CUEDC1: variants seen among roughly 807,000 people sequenced by gnomAD.
The protein encoded by CUEDC1 is CUE domain containing 1, also known as CUE domain-containing protein 1.
Under a neutral mutation model 43.7 loss-of-function variants are expected in CUEDC1, and 30 were observed. The observed-to-expected ratio is 0.69, with a 90% CI of 0.51 to 0.93. The LOEUF is 0.93. Ranked by LOEUF, CUEDC1 falls within the 40% of genes least tolerant of loss-of-function variation. CUEDC1 has a pLI of 0.00. For missense variants in CUEDC1, 486 were observed against 549.0 expected (o/e 0.89, Z 1.15); for synonymous variants, 223 against 223.6 (o/e 1.00, Z 0.02).
chr17:57,908,237 G>T (rs1378043394), intron 1 of CUEDC1, among the ~76,000 whole-genome samples: 1 of 152,064 alleles, frequency 6.6e-6, no homozygotes, highest in East Asian at 1.9e-4. Flanking sequence ...TTGTATTTTT[G>T]GTAGAGACGA....
chr17:57,863,346 G>A (rs1336885306), intron 10 of CUEDC1, 61 bp from the exon 11 acceptor site: 1 of 152,352 alleles, frequency 6.6e-6, no homozygotes, highest in East Asian at 1.9e-4. Context: ...GGTCTTTCCT[G>A]GTCACTGGTT....
chr17:57,922,879 CTTT>C (rs35241279), intron 1 of CUEDC1, among the ~76,000 whole-genome samples: 16 of 144,036 alleles, frequency 1.1e-4, no homozygotes, highest in Admixed American at 4.2e-4. Flanking sequence ...CTCCCTCTCT[CTTT>C]TTTTTTTTTT....
chr17:57,889,986 C>T (rs185174564), intron 1 of CUEDC1, among the ~76,000 whole-genome samples: 157 of 152,228 alleles, frequency 1.0e-3, no homozygotes, highest in Non-Finnish European at 2.0e-3. Context: ...TTAAAATACA[C>T]GAAAGGATTA....
chr17:57,867,303 G>A, intron 9 of CUEDC1, 54 bp downstream of exon 9: 23 of 1,509,774 alleles, frequency 1.5e-5, no homozygotes, highest in Non-Finnish European at 2.1e-5. Flanking sequence ...GAACTCCGCT[G>A]GGAGATCACC....
chr17:57,932,890 G>A (rs1004566076), intron 1 of CUEDC1, among the ~76,000 whole-genome samples: 6 of 151,822 alleles, frequency 4.0e-5, no homozygotes, highest in Non-Finnish European at 5.9e-5. Context: ...TGGTCCAGGC[G>A]CTAGAGCAAG....
intron 9 of CUEDC1, 22 bp from the exon 10 acceptor site, chr17:57,866,566 C>T: frequency 6.2e-7 from 1 of 1,613,804 alleles, no homozygotes; most frequent in East Asian, 2.2e-5. Flanking sequence ...AGGGAAGCTG[C>T]CTCATCCTCT....
intron 1 of CUEDC1, among the ~76,000 whole-genome samples, chr17:57,937,109 G>A (rs1181009842): frequency 3.3e-5 from 5 of 151,710 alleles, no homozygotes; most frequent in Non-Finnish European, 7.4e-5. Context: ...GTGAGCCACC[G>A]CACCCAGCCC....
chr17:57,937,392 C>G (rs1046191305), intron 1 of CUEDC1, among the ~76,000 whole-genome samples: 2 of 152,002 alleles, frequency 1.3e-5, no homozygotes, highest in Non-Finnish European at 2.9e-5. Context: ...GGGAGGATCA[C>G]TTGAGCCCAG....
intron 1 of CUEDC1, among the ~76,000 whole-genome samples, chr17:57,928,341 A>C (rs1360873444): frequency 6.6e-6 from 1 of 152,016 alleles, no homozygotes; most frequent in Admixed American, 6.6e-5. Context: ...CCAGGTCAGG[A>C]GATCGAGACC....
At chr17:57,902,104 G>A (rs1391779091) in intron 1 of CUEDC1, among the ~76,000 whole-genome samples, 1 of 151,924 alleles carries the variant, frequency 6.6e-6, no homozygotes, top group East Asian at 1.9e-4. Flanking sequence ...AGCCCAGGAG[G>A]CAGAGGTTGC....
intron 1 of CUEDC1, among the ~76,000 whole-genome samples, chr17:57,891,695 CT>C (rs1261827429): frequency 6.6e-6 from 1 of 152,238 alleles, no homozygotes; most frequent in Non-Finnish European, 1.5e-5. Flanking sequence ...GCCAAGCACA[CT>C]CCCACCCAGG....
In CUEDC1 at chr17:57,900,173, C is replaced by G. The variant is rs138377084; in HGVS notation, c.-315-14294G>C. ...AACAATCAGGGGAAGGGGGCAAGAG[C>G]TTTTAGGGGTCCCATAACCAGCTTC... On this transcript the variant is annotated intron_variant, in intron 1 of 10. Transcript: ENST00000577830. Among the ~76,000 whole-genome samples the G allele has an allele frequency of 3.6e-3, 547 of 152,292 alleles. 3 individuals are homozygous for G. The highest frequency in any genetic ancestry group is 0.012 in the African/African-American group (482 of 41,564).
At chr17:57,923,915 A>G (rs2074720533) in intron 1 of CUEDC1, among the ~76,000 whole-genome samples, 1 of 152,258 alleles carries the variant, frequency 6.6e-6, no homozygotes, top group Admixed American at 6.5e-5. Flanking sequence ...TGGATAAGTA[A>G]CAATGGAACT....
At position 57,861,807 on chromosome 17, in the gene CUEDC1, C is replaced by A. The variant is rs927047466; in HGVS notation, c.*1482G>T. The A allele has an allele frequency of 2.6e-5, 4 of 151,288 alleles. No homozygotes were observed. The highest frequency in any genetic ancestry group is 4.9e-5 in the African/African-American group (2 of 41,016). 9.4% of individuals were successfully genotyped at this position (151,288 alleles called of 1,614,324 possible). On this transcript the variant is annotated 3_prime_UTR_variant, in exon 11 of 11. Transcript: ENST00000577830. The stretch of plus-strand genomic sequence containing the variant: ...GTACCGAGGCACTCCTCGGAGACCC[C>A]CCCCCCTCCCTCCAGGGCCCCAGGC...
chr17:57,880,638 G>A (rs2074191305), intron 2 of CUEDC1, among the ~76,000 whole-genome samples: 1 of 152,102 alleles, frequency 6.6e-6, no homozygotes, highest in Non-Finnish European at 1.5e-5. Flanking sequence ...CCAGAGAGGA[G>A]TTTGGGGCAG....
intron 1 of CUEDC1, among the ~76,000 whole-genome samples, chr17:57,932,508 C>T (rs2074816152): frequency 6.9e-6 from 1 of 145,230 alleles, no homozygotes; most frequent in South Asian, 2.2e-4. Context: ...TGTTGTGAAC[C>T]CAGGAGGCAG....
intron 1 of CUEDC1, among the ~76,000 whole-genome samples, chr17:57,902,207 A>T (rs1190251781): frequency 6.6e-6 from 1 of 152,006 alleles, no homozygotes; most frequent in Admixed American, 6.6e-5. Flanking sequence ...AAAAAAAACA[A>T]AAAACAAAAA....
At position 57,894,012 on chromosome 17, in the gene CUEDC1, G is replaced by C. The variant is rs532382926; in HGVS notation, c.-315-8133C>G. 7.7e-3 allele frequency among the ~76,000 whole-genome samples: 1,170 copies of C among 152,240 alleles called. 12 individuals are homozygous for C. Among genetic ancestry groups the C allele is most frequent in the African/African-American group, 0.027 (1,104 of 41,542 alleles). On this transcript the variant is annotated intron_variant, in intron 1 of 10. Coordinates refer to ENST00000577830, the MANE Select transcript of CUEDC1 (RefSeq NM_001271875.2). ...GGGAGGCTGAGGCAGAGAATTGCTT[G>C]AACCTGGGAGGTGGAGGTTGCAGTG...
chr17:57,863,409 T>C (rs17835022), intron 10 of CUEDC1, 124 bp from the exon 11 acceptor site: 73,628 of 152,082 alleles, frequency 0.48, 20,058 homozygotes, highest in African/African-American at 0.74. Flanking sequence ...CCTCTCCTTT[T>C]TCCAGGGACT....
Sources: gnomAD v4.1 joint callset for allele counts (sites outside exome capture counted in the v4.1 genomes callset) on GRCh38, gnomAD v4.1.1 for gene constraint, MANE v1.5 for transcripts, NCBI Gene and HGNC (gene_info 2026-07-23, HGNC 2026-07-21) for gene names.